The following MTHFS variants were observed in gnomAD, a reference collection of about 807,000 sequenced individuals.
The protein encoded by MTHFS is 5-formyltetrahydrofolate cyclo-ligase.
A neutral mutation model predicts 12.7 loss-of-function variants in MTHFS; 7 were observed. The observed-to-expected ratio is 0.55, with a 90% confidence interval of 0.31 to 1.03. The LOEUF (loss-of-function observed/expected upper bound fraction) is 1.03. MTHFS is among the 50% of genes least tolerant of loss of function. The pLI is 0.05. For synonymous variants in MTHFS, 100 were observed against 97.1 expected (o/e 1.03, Z -0.18); for missense variants, 252 against 258.1 (o/e 0.98, Z 0.16).
intron 2 of MTHFS, among the ~76,000 whole-genome samples, chr15:79,871,650 C>CA (rs1028899672): frequency 6.7e-6 from 1 of 149,556 alleles, no homozygotes; most frequent in Non-Finnish European, 1.5e-5. Flanking sequence ...TATTCTCAGA[C>CA]AAAAAAAATT....
chr15:79,882,442 C>T (rs1283591460), intron 2 of MTHFS, among the ~76,000 whole-genome samples: 1 of 152,186 alleles, frequency 6.6e-6, no homozygotes, highest in East Asian at 1.9e-4. Flanking sequence ...ACCACATTGA[C>T]CCAGCAGCTG....
intron 2 of MTHFS, among the ~76,000 whole-genome samples, chr15:79,881,338 G>A (rs965920059): frequency 6.6e-6 from 1 of 152,158 alleles, no homozygotes; most frequent in African/African-American, 2.4e-5. Context: ...GAATAACAGG[G>A]CATAACCCCT....
intron 2 of MTHFS, among the ~76,000 whole-genome samples, chr15:79,873,632 G>T (rs970431035): frequency 2.0e-5 from 3 of 152,162 alleles, no homozygotes; most frequent in Non-Finnish European, 4.4e-5. Flanking sequence ...ACCAAAGACT[G>T]AGTAGGAACA....
At chr15:79,887,245 C>G (rs1433738650) in intron 2 of MTHFS, among the ~76,000 whole-genome samples, 1 of 152,094 alleles carries the variant, frequency 6.6e-6, no homozygotes, top group African/African-American at 2.4e-5. Context: ...AAAAAAAAAC[C>G]TGCATAAATG....
At chr15:79,855,380 A>C (rs1402388640) in intron 2 of MTHFS, among the ~76,000 whole-genome samples, 1 of 152,218 alleles carries the variant, frequency 6.6e-6, no homozygotes, top group Non-Finnish European at 1.5e-5. Flanking sequence ...TGAGTTGTTG[A>C]TAATCAGATG....
chr15:79,857,213 G>A (rs775710060), intron 2 of MTHFS, among the ~76,000 whole-genome samples: 1 of 151,988 alleles, frequency 6.6e-6, no homozygotes, highest in Non-Finnish European at 1.5e-5. Flanking sequence ...GGCCAGGCTG[G>A]TCTCGAACTC....
chr15:79,877,343 T>C (rs1168644801), intron 2 of MTHFS: 1 of 152,006 alleles, frequency 6.6e-6, no homozygotes, highest in Non-Finnish European at 1.5e-5. Context: ...CCTCCTATAG[T>C]TGATGAAAAA....
intron 2 of MTHFS, among the ~76,000 whole-genome samples, chr15:79,860,117 TG>T (rs924555247): frequency 2.2e-4 from 33 of 151,976 alleles, no homozygotes; most frequent in African/African-American, 7.7e-4. Context: ...TGGCCAGGCG[TG>T]GTGGCTCACG....
At chr15:79,847,819 G>A (rs1289962452) in intron 2 of MTHFS, among the ~76,000 whole-genome samples, 2 of 152,110 alleles carry the variant, frequency 1.3e-5, no homozygotes, top group African/African-American at 2.4e-5. Flanking sequence ...CCACATTCAT[G>A]AGGATGTCCA....
chr15:79,878,396 C>T (rs577189461), intron 2 of MTHFS, among the ~76,000 whole-genome samples: 17 of 151,258 alleles, frequency 1.1e-4, no homozygotes, highest in African/African-American at 3.7e-4. Flanking sequence ...CTTACACTGG[C>T]GCAAAGCAAA....
chr15:79,869,271 G>C (rs951236823), intron 2 of MTHFS, among the ~76,000 whole-genome samples: 3 of 152,104 alleles, frequency 2.0e-5, no homozygotes, highest in African/African-American at 7.2e-5. Flanking sequence ...AATAAAGATG[G>C]GGAGAAGGAC....
chr15:79,875,736 T>C (rs1566994490), intron 2 of MTHFS, among the ~76,000 whole-genome samples: 1 of 151,904 alleles, frequency 6.6e-6, no homozygotes, highest in Non-Finnish European at 1.5e-5. Flanking sequence ...TCCATCAAAA[T>C]CAAAAACTTT....
At chr15:79,867,336 T>C (rs1328250543) in intron 2 of MTHFS, among the ~76,000 whole-genome samples, 1 of 145,866 alleles carries the variant, frequency 6.9e-6, no homozygotes, top group African/African-American at 2.5e-5. Flanking sequence ...TGGAGTAAAA[T>C]CAATATGCTC....
intron 2 of MTHFS, among the ~76,000 whole-genome samples, chr15:79,878,869 TTTTC>T (rs1211509973): frequency 6.6e-6 from 1 of 151,136 alleles, no homozygotes; most frequent in Admixed American, 6.6e-5. Context: ...CCCTTTTTTT[TTTTC>T]TTTCTTTCTT....
intron 2 of MTHFS, among the ~76,000 whole-genome samples, chr15:79,874,663 A>C (rs534239491): frequency 6.6e-6 from 1 of 151,916 alleles, no homozygotes; most frequent in South Asian, 2.1e-4. Flanking sequence ...TGACCAAAAA[A>C]CTTAAAAGGA....
chr15:79,857,607 T>C (rs867117010), intron 2 of MTHFS, among the ~76,000 whole-genome samples: 3 of 152,290 alleles, frequency 2.0e-5, no homozygotes, highest in Middle Eastern at 3.4e-3. Flanking sequence ...TTTGAAATAA[T>C]AGTACATGGA....
At chr15:79,890,886 A>C (rs1294018601) in intron 1 of MTHFS, among the ~76,000 whole-genome samples, 1 of 152,218 alleles carries the variant, frequency 6.6e-6, no homozygotes, top group Non-Finnish European at 1.5e-5. Flanking sequence ...TTTGGCATCC[A>C]ACTACTATAT....
intron 2 of MTHFS, among the ~76,000 whole-genome samples, chr15:79,868,611 G>T (rs985683732): frequency 6.6e-6 from 1 of 152,196 alleles, no homozygotes; most frequent in Non-Finnish European, 1.5e-5. Flanking sequence ...CTCAATGCAG[G>T]TGGCCTGAAT....
chr15:79,859,313 TA>T (rs1391317710), intron 2 of MTHFS, among the ~76,000 whole-genome samples: 2 of 152,250 alleles, frequency 1.3e-5, no homozygotes, highest in Non-Finnish European at 2.9e-5. Flanking sequence ...CACCAGGTAT[TA>T]AAATCCATTG....
Sources: gnomAD v4.1 joint callset for allele counts (sites outside exome capture counted in the v4.1 genomes callset) on GRCh38, gnomAD v4.1.1 for gene constraint, MANE v1.5 for transcripts, NCBI Gene and HGNC (gene_info 2026-07-23, HGNC 2026-07-21) for gene names.